TMEM132D: variants seen among roughly 807,000 people sequenced by gnomAD.
TMEM132D encodes transmembrane protein 132D, also known as mature OL transmembrane protein.
A neutral mutation model predicts 62.3 loss-of-function variants in TMEM132D; 21 were observed. That is an observed-to-expected ratio of 0.34 (90% CI 0.24 to 0.49). TMEM132D has a LOEUF of 0.49. Ranked by LOEUF, TMEM132D falls within the 20% of genes least tolerant of loss-of-function variation. The pLI is 0.99. For synonymous variants in TMEM132D, 621 were observed against 575.6 expected (o/e 1.08, Z -1.13); for missense variants, 1,346 against 1,402.8 (o/e 0.96, Z 0.65).
At chr12:129,238,931 A>G (rs935515694) in intron 4 of TMEM132D, among the ~76,000 whole-genome samples, 9 of 151,190 alleles carry the variant, frequency 6.0e-5, no homozygotes, top group Non-Finnish European at 1.2e-4. Context: ...ACCATGTTAC[A>G]TTTCCACCAA....
intron 1 of TMEM132D, among the ~76,000 whole-genome samples, chr12:129,799,904 C>T (rs1871708539): frequency 6.6e-6 from 1 of 152,120 alleles, no homozygotes; most frequent in Admixed American, 6.6e-5. Flanking sequence ...TCAGGAGGCT[C>T]TCCCTAGGAG....
At chr12:129,807,439 C>T (rs150248367) in intron 1 of TMEM132D, among the ~76,000 whole-genome samples, 70 of 152,294 alleles carry the variant, frequency 4.6e-4, no homozygotes, top group African/African-American at 1.6e-3. Flanking sequence ...GGGCAGACAT[C>T]GCCATCCCAA....
chr12:129,402,638 A>G (rs570409820), intron 3 of TMEM132D, among the ~76,000 whole-genome samples: 147 of 152,292 alleles, frequency 9.7e-4, no homozygotes, highest in African/African-American at 3.4e-3. Flanking sequence ...TGGCGCAATC[A>G]GAGCTCACTG....
chr12:129,146,266 C>T (rs1042573014), intron 5 of TMEM132D, among the ~76,000 whole-genome samples: 1 of 152,190 alleles, frequency 6.6e-6, no homozygotes, highest in African/African-American at 2.4e-5. Context: ...AAGGCAGTCA[C>T]CCAAATTGTG....
At position 129,074,838 on chromosome 12, in the gene TMEM132D, T is replaced by C. The variant is rs1343040956; in HGVS notation, c.2337A>G (p.Lys779=). ...CAGCTAACACACTCTTCCGCTTGGATTTCTGGCAGGATTCACTAATAACCA... is the reference window on the plus strand; with the variant it reads ...CAGCTAACACACTCTTCCGCTTGGACTTCTGGCAGGATTCACTAATAACCA... ...VEMVISESCQ[K]SKRKSVLAVG... The change falls in exon 9 of 9, where the codon AAA becomes AAG. Residue 779 remains lysine (K), a synonymous_variant. Coordinates refer to ENST00000422113, the MANE Select transcript of TMEM132D (RefSeq NM_133448.3). 6.2e-7 allele frequency: 1 copy of C among 1,613,956 alleles called. No individual in the cohort carries two copies. Among genetic ancestry groups the C allele is most frequent in the East Asian group, 2.2e-5 (1 of 44,878 alleles).
chr12:129,135,011 C>A (rs1219459054), intron 5 of TMEM132D, among the ~76,000 whole-genome samples: 1 of 152,226 alleles, frequency 6.6e-6, no homozygotes, highest in African/African-American at 2.4e-5. Flanking sequence ...TCTCTATTTC[C>A]TCTTCCTTGT....
At chr12:129,223,749 T>G (rs4759582) in intron 4 of TMEM132D, among the ~76,000 whole-genome samples, 48,570 of 152,062 alleles carry the variant, frequency 0.32, 8,110 homozygotes, top group Middle Eastern at 0.43. Flanking sequence ...TTCTAACTTT[T>G]ACTTTTATAC....
At chr12:129,757,400 G>A (rs186633792) in intron 1 of TMEM132D, among the ~76,000 whole-genome samples, 12 of 152,186 alleles carry the variant, frequency 7.9e-5, no homozygotes, top group South Asian at 2.1e-4. Context: ...TTCTGACTGC[G>A]TATCTGTGGT....
At chr12:129,476,889 C>G (rs1282396902) in intron 3 of TMEM132D, among the ~76,000 whole-genome samples, 1 of 152,184 alleles carries the variant, frequency 6.6e-6, no homozygotes, top group Non-Finnish European at 1.5e-5. Flanking sequence ...ACAAACAAAA[C>G]TTACGCTGCC....
chr12:129,813,096 T>C (rs1250343280), intron 1 of TMEM132D, among the ~76,000 whole-genome samples: 1 of 151,844 alleles, frequency 6.6e-6, no homozygotes, highest in South Asian at 2.1e-4. Context: ...TCATTCTTGA[T>C]TTCCTCCTTT....
At chr12:129,603,990 TA>T in intron 2 of TMEM132D, among the ~76,000 whole-genome samples, 1 of 152,202 alleles carries the variant, frequency 6.6e-6, no homozygotes, top group South Asian at 2.1e-4. Context: ...TATGCAGCCA[TA>T]AAAAATGAGT....
intron 3 of TMEM132D, among the ~76,000 whole-genome samples, chr12:129,519,742 G>A (rs1214004966): frequency 6.6e-6 from 1 of 151,816 alleles, no homozygotes; most frequent in East Asian, 1.9e-4. Flanking sequence ...CTGAGTAGCT[G>A]GGATTACAGG....
At chr12:129,182,808 G>GGA (rs1878105377) in intron 5 of TMEM132D, among the ~76,000 whole-genome samples, 1 of 152,210 alleles carries the variant, frequency 6.6e-6, no homozygotes, top group Admixed American at 6.5e-5. Context: ...TTTATCTGCT[G>GGA]TGGAGAAACA....
chr12:129,548,874 C>T (rs1156841079), intron 2 of TMEM132D, among the ~76,000 whole-genome samples: 1 of 152,196 alleles, frequency 6.6e-6, no homozygotes, highest in Non-Finnish European at 1.5e-5. Context: ...AACAAGAAAA[C>T]AGATTATTTA....
intron 3 of TMEM132D, among the ~76,000 whole-genome samples, chr12:129,423,124 C>G (rs1370298262): frequency 6.6e-6 from 1 of 151,830 alleles, no homozygotes; most frequent in African/African-American, 2.4e-5. Context: ...GAAGAGTACA[C>G]AGAACAATTT....
At chr12:129,145,067 CTAT>C (rs1371036019) in intron 5 of TMEM132D, among the ~76,000 whole-genome samples, 2 of 151,838 alleles carry the variant, frequency 1.3e-5, no homozygotes, top group African/African-American at 2.4e-5. Flanking sequence ...CATATATGAA[CTAT>C]TATATTAATT....
intron 2 of TMEM132D, among the ~76,000 whole-genome samples, chr12:129,599,985 A>C (rs1408880354): frequency 6.6e-6 from 1 of 152,182 alleles, no homozygotes; most frequent in African/African-American, 2.4e-5. Context: ...GTCTTAAAAA[A>C]GGCAACAATG....
At chr12:129,372,331 G>A (rs1015447115) in intron 3 of TMEM132D, among the ~76,000 whole-genome samples, 10 of 152,188 alleles carry the variant, frequency 6.6e-5, no homozygotes, top group Non-Finnish European at 1.3e-4. Context: ...GGCCTGTTAG[G>A]AACTGGGCCA....
intron 1 of TMEM132D, among the ~76,000 whole-genome samples, chr12:129,886,766 C>G (rs569412353): frequency 1.3e-5 from 2 of 152,304 alleles, no homozygotes; most frequent in African/African-American, 2.4e-5. Context: ...CTCCACGTGT[C>G]GTGGAAGGGA....
Sources: gnomAD v4.1 joint callset for allele counts (sites outside exome capture counted in the v4.1 genomes callset) on GRCh38, gnomAD v4.1.1 for gene constraint, MANE v1.5 for transcripts, NCBI Gene and HGNC (gene_info 2026-07-23, HGNC 2026-07-21) for gene names.